HUWE1: variants seen among roughly 807,000 people sequenced by gnomAD.
HUWE1 encodes the protein HECT, UBA and WWE domain containing E3 ubiquitin protein ligase 1.
A neutral mutation model predicts 299.4 loss-of-function variants in HUWE1; 18 were observed. The ratio of observed to expected loss-of-function variants is 0.06; its 90% CI spans 0.04 to 0.09. HUWE1 has a LOEUF of 0.09. HUWE1 is among the 10% of genes least tolerant of loss of function. The pLI, the probability that HUWE1 is intolerant of heterozygous loss-of-function variation, is 1.00. For synonymous variants in HUWE1, 1,317 were observed against 1,286.1 expected (o/e 1.02, Z -0.51); for missense variants, 1,832 against 3,462.3 (o/e 0.53, Z 11.82).
chrX:53,614,641 A>C lies in HUWE1; in HGVS notation c.2154T>G (p.Ser718=), dbSNP rs782482898. Residue 718 remains serine, a synonymous_variant, in exon 23 of 84, where the codon TCT becomes TCG. Transcript: ENST00000262854. ...DGTATAPPPR[S]NHAAEEASSE... ...TAGAGGCTTCTTCTGCGGCATGATT[A>C]GACCTTGGGGGAGGAGCAGTGGCAG... 5.0e-6 allele frequency: 6 copies of C among 1,206,233 alleles called. No individual in the cohort carries two copies. Among genetic ancestry groups the C allele is most frequent in the Non-Finnish European group, 6.7e-6 (6 of 892,041 alleles).
At chrX:53,685,403 T>C (rs1433199162) in intron 2 of HUWE1, among the ~76,000 whole-genome samples, 1 of 112,317 alleles carries the variant, frequency 8.9e-6, no homozygotes, top group Non-Finnish European at 1.9e-5. Context: ...TGTTCTTTTA[T>C]GGTATTCGTC....
chrX:53,562,341 C>G, intron 53 of HUWE1, 97 bp from the exon 54 acceptor site: 1 of 1,050,635 alleles, frequency 9.5e-7, no homozygotes, highest in Non-Finnish European at 1.3e-6. Flanking sequence ...GATGGGATAT[C>G]TGACTCTATG....
At chrX:53,596,712 G>A (rs1335438106) in intron 29 of HUWE1, among the ~76,000 whole-genome samples, 2 of 111,877 alleles carry the variant, frequency 1.8e-5, no homozygotes, top group Admixed American at 9.5e-5. Flanking sequence ...CATGTTTACC[G>A]CAATACTGAA....
chrX:53,667,819 T>A (rs1418422436), intron 3 of HUWE1, among the ~76,000 whole-genome samples: 2 of 111,582 alleles, frequency 1.8e-5, no homozygotes, highest in Admixed American at 9.5e-5. Context: ...AAATTTTACA[T>A]ATGTTGGTCT....
intron 3 of HUWE1, among the ~76,000 whole-genome samples, chrX:53,660,212 T>C (rs1182865776): frequency 8.9e-6 from 1 of 112,061 alleles, no homozygotes; most frequent in Non-Finnish European, 1.9e-5. Flanking sequence ...ACAGCTTAGC[T>C]TGGGGTACTT....
At chrX:53,534,251 G>T in intron 82 of HUWE1, 54 bp from the exon 83 acceptor site, 1 of 1,041,106 alleles carries the variant, frequency 9.6e-7, no homozygotes, top group Non-Finnish European at 1.3e-6. Flanking sequence ...CTAGAAGCAG[G>T]GTGGGGGGGA....
At chrX:53,592,768 G>C (rs1556980563) in intron 32 of HUWE1, 140 bp from the exon 33 acceptor site, 1 of 509,993 alleles carries the variant, frequency 2.0e-6, no homozygotes, top group Non-Finnish European at 3.4e-6. Flanking sequence ...GGAGGTCTAA[G>C]GAGGCACAGA....
At chrX:53,546,188 TA>T (rs2061533852) in intron 70 of HUWE1, among the ~76,000 whole-genome samples, 1 of 111,087 alleles carries the variant, frequency 9.0e-6, no homozygotes, top group Non-Finnish European at 1.9e-5. Context: ...TTCTCTTCAT[TA>T]AGCACCACTG....
intron 28 of HUWE1, among the ~76,000 whole-genome samples, chrX:53,600,521 G>C (rs2064765166): frequency 8.9e-6 from 1 of 112,372 alleles, no homozygotes; most frequent in Non-Finnish European, 1.9e-5. Flanking sequence ...TCAAATGACA[G>C]CATATGAATA....
Position 53,592,389 on chromosome X carries a change from G to C in HUWE1, c.3972+9C>G. Reference sequence around the variant, plus strand: ...GTCTGGACCCTGGAGTGTGAGGCCAGTACCCTACCTGTTGCAGTTGTTGCT... The same window carrying C: ...GTCTGGACCCTGGAGTGTGAGGCCACTACCCTACCTGTTGCAGTTGTTGCT... On this transcript the variant is annotated intron_variant, in intron 33 of 83. Coordinates refer to ENST00000262854, the MANE Select transcript of HUWE1 (RefSeq NM_031407.7). The C allele has an allele frequency of 8.4e-7, 1 of 1,185,320 alleles. No individual in the cohort carries two copies. The highest frequency in any genetic ancestry group is 1.8e-5 in the South Asian group (1 of 56,405).
intron 47 of HUWE1, among the ~76,000 whole-genome samples, chrX:53,570,656 C>A (rs1343487005): frequency 8.9e-6 from 1 of 112,418 alleles, no homozygotes; most frequent in Admixed American, 9.4e-5. Context: ...TTAAGTCAGA[C>A]TCTTCTTTTT....
intron 3 of HUWE1, among the ~76,000 whole-genome samples, chrX:53,672,462 T>C (rs2069601560): frequency 9.1e-6 from 1 of 109,995 alleles, no homozygotes; most frequent in African/African-American, 3.3e-5. Context: ...TTTCACCATG[T>C]TGGCCAGGCT....
Position 53,581,031 on chromosome X carries a change from T to A in HUWE1, c.5521-5A>T. ...TGTAGCTGCTGAGCGAACAACCTAG[T>A]AAAGAGAGAAAGAAACACTGTCGAT... On this transcript the variant is annotated splice_polypyrimidine_tract_variant and splice_region_variant and intron_variant, in intron 42 of 83. Transcript: ENST00000262854. 1 of 1,190,207 alleles carries A rather than the reference T, an allele frequency of 8.4e-7. No individual in the cohort carries two copies.
At chrX:53,550,031 T>C (rs1200622716) in intron 66 of HUWE1, among the ~76,000 whole-genome samples, 2 of 110,759 alleles carry the variant, frequency 1.8e-5, no homozygotes, top group Non-Finnish European at 3.8e-5. Flanking sequence ...GGATTATAGG[T>C]GTGAGCCACG....
intron 43 of HUWE1, among the ~76,000 whole-genome samples, chrX:53,578,558 CCGCCCCGTCCGGGAGGG>C (rs2063346662): frequency 2.1e-5 from 2 of 95,584 alleles, no homozygotes; most frequent in Non-Finnish European, 4.3e-5. Context: ...GCCCGGCCAG[CCGCCCCGTCCGGGAGGG>C]GGGAGGGGGG....
intron 4 of HUWE1, among the ~76,000 whole-genome samples, chrX:53,651,619 T>C (rs1234899157): frequency 4.5e-5 from 5 of 111,729 alleles, no homozygotes; most frequent in Non-Finnish European, 5.6e-5. Flanking sequence ...TATTGTTTTT[T>C]CCCCCAAATA....
At chrX:53,533,615 C>T (rs1488355587) in intron 83 of HUWE1, 4 of 458,950 alleles carry the variant, frequency 8.7e-6, no homozygotes, top group Admixed American at 7.0e-5. Context: ...AAAAATCTGA[C>T]CCTGTCACTC....
intron 3 of HUWE1, among the ~76,000 whole-genome samples, chrX:53,664,276 T>C (rs1178223989): frequency 1.8e-5 from 2 of 111,727 alleles, no homozygotes; most frequent in Non-Finnish European, 3.8e-5. Flanking sequence ...GGTCTCGAAG[T>C]CCTGAGTTAA....
intron 4 of HUWE1, among the ~76,000 whole-genome samples, chrX:53,652,407 T>C (rs1283678252): frequency 8.9e-6 from 1 of 112,394 alleles, no homozygotes; most frequent in East Asian, 2.8e-4. Context: ...GGTTTCCTAA[T>C]ACTGTCCCTT....
Sources: allele counts gnomAD v4.1 joint callset (sites outside exome capture counted in the v4.1 genomes callset), GRCh38; gene constraint gnomAD v4.1.1; transcripts MANE v1.5; gene names NCBI Gene and HGNC (gene_info 2026-07-23, HGNC 2026-07-21).